ATRNL1: variants seen among roughly 807,000 people sequenced by gnomAD.
ATRNL1 encodes attractin-like protein 1.
A neutral mutation model predicts 182.7 loss-of-function variants in ATRNL1; 95 were observed. That is an observed-to-expected ratio of 0.52 (90% CI 0.44 to 0.62). The LOEUF (loss-of-function observed/expected upper bound fraction) is 0.62, where lower values mean the gene tolerates loss of function less well. Ranked by LOEUF, ATRNL1 falls within the 20% of genes least tolerant of loss-of-function variation. The pLI is 0.00. For synonymous variants in ATRNL1, 576 were observed against 568.3 expected (o/e 1.01, Z -0.19); for missense variants, 1,471 against 1,679.5 (o/e 0.88, Z 2.17).
chr10:115,343,903 T>G (rs1855860009), intron 19 of ATRNL1, among the ~76,000 whole-genome samples: 1 of 152,218 alleles, frequency 6.6e-6, no homozygotes, highest in Admixed American at 6.5e-5. Flanking sequence ...GCCTTGATGG[T>G]CTTGGACAAG....
At chr10:115,677,849 C>T (rs1441256574) in intron 26 of ATRNL1, among the ~76,000 whole-genome samples, 1 of 151,744 alleles carries the variant, frequency 6.6e-6, no homozygotes, top group Non-Finnish European at 1.5e-5. Flanking sequence ...CAGAGAGCTC[C>T]AAAGGGTATC....
rs544162271 is a variant in ATRNL1, at chr10:115,370,895, G to A, written c.3176-23764G>A. 3.9e-5 allele frequency among the ~76,000 whole-genome samples: 6 copies of A among 152,280 alleles called. No homozygotes were observed. In the South Asian group the frequency reaches 6.2e-4, roughly 16 times the overall value. Reference sequence around the variant, plus strand: ...AGGCTTTCCAACCACAGGCCAGGAGGCCTAGGAGGAAAACATTTTTTGTAG... The same window carrying A: ...AGGCTTTCCAACCACAGGCCAGGAGACCTAGGAGGAAAACATTTTTTGTAG... On this transcript the variant is annotated intron_variant, in intron 19 of 28. Coordinates refer to ENST00000355044, the MANE Select transcript of ATRNL1 (RefSeq NM_207303.4).
intron 26 of ATRNL1, among the ~76,000 whole-genome samples, chr10:115,725,673 C>G (rs1413916418): frequency 1.3e-5 from 2 of 151,794 alleles, no homozygotes; most frequent in Non-Finnish European, 2.9e-5. Context: ...TGTGTGTTGT[C>G]TGGGCATGTT....
intron 26 of ATRNL1, among the ~76,000 whole-genome samples, chr10:115,549,830 G>A (rs1036225671): frequency 1.3e-5 from 2 of 151,786 alleles, no homozygotes; most frequent in South Asian, 2.1e-4. Context: ...TATTTAACAG[G>A]CATTTAGTTA....
intron 27 of ATRNL1, among the ~76,000 whole-genome samples, chr10:115,835,503 G>C (rs1220773826): frequency 2.0e-5 from 3 of 152,194 alleles, no homozygotes; most frequent in African/African-American, 7.2e-5. Flanking sequence ...GTCCTGAAGA[G>C]CAAGCACTCA....
At chr10:115,197,533 T>C (rs1848406326) in intron 8 of ATRNL1, among the ~76,000 whole-genome samples, 1 of 152,160 alleles carries the variant, frequency 6.6e-6, no homozygotes, top group Non-Finnish European at 1.5e-5. Context: ...TTACTAGATA[T>C]AGAGATATCC....
intron 25 of ATRNL1, among the ~76,000 whole-genome samples, chr10:115,537,339 C>G (rs1041778617): frequency 6.6e-6 from 1 of 152,148 alleles, no homozygotes; most frequent in Non-Finnish European, 1.5e-5. Flanking sequence ...TCAAACTTAA[C>G]ATGCTTTAAA....
chr10:115,672,434 A>G (rs1477743500), intron 26 of ATRNL1, among the ~76,000 whole-genome samples: 1 of 152,170 alleles, frequency 6.6e-6, no homozygotes, highest in Non-Finnish European at 1.5e-5. Context: ...TTAATTCGAT[A>G]TTTATAGTCT....
At chr10:115,455,038 A>T (rs1847455866) in intron 21 of ATRNL1, among the ~76,000 whole-genome samples, 1 of 152,136 alleles carries the variant, frequency 6.6e-6, no homozygotes, top group African/African-American at 2.4e-5. Flanking sequence ...TGGGCTATTC[A>T]CATATGATCT....
chr10:115,493,346 C>T (rs1479652843), intron 24 of ATRNL1, among the ~76,000 whole-genome samples: 1 of 152,170 alleles, frequency 6.6e-6, no homozygotes, highest in African/African-American at 2.4e-5. Flanking sequence ...AGCACCTTCT[C>T]ATAAGTGAGA....
intron 8 of ATRNL1, among the ~76,000 whole-genome samples, chr10:115,172,072 A>C (rs1185547299): frequency 6.6e-6 from 1 of 152,074 alleles, no homozygotes; most frequent in East Asian, 1.9e-4. Context: ...AGTCTTAATG[A>C]GAAAACTCAT....
At chr10:115,667,640 C>T (rs1337229736) in intron 26 of ATRNL1, among the ~76,000 whole-genome samples, 1 of 149,340 alleles carries the variant, frequency 6.7e-6, no homozygotes, top group Non-Finnish European at 1.5e-5. Context: ...CACAACATTA[C>T]ATCTACTGCA....
chr10:115,582,475 T>A (rs1488365185), intron 26 of ATRNL1, among the ~76,000 whole-genome samples: 1 of 133,486 alleles, frequency 7.5e-6, no homozygotes, highest in Non-Finnish European at 1.6e-5. Context: ...TGGTTTTGAT[T>A]TGCATTTCTC....
chr10:115,560,073 A>T (rs1360250507), intron 26 of ATRNL1, among the ~76,000 whole-genome samples: 2 of 152,240 alleles, frequency 1.3e-5, no homozygotes, highest in African/African-American at 4.8e-5. Flanking sequence ...AATCAGTTGT[A>T]TTTCTATACA....
intron 1 of ATRNL1, among the ~76,000 whole-genome samples, chr10:115,113,005 G>T (rs1564744006): frequency 6.6e-6 from 1 of 152,140 alleles, no homozygotes; most frequent in Non-Finnish European, 1.5e-5. Flanking sequence ...AGTATTTCTT[G>T]GAAGAATTGT....
At chr10:115,194,368 G>A (rs1365736080) in intron 8 of ATRNL1, among the ~76,000 whole-genome samples, 3 of 151,942 alleles carry the variant, frequency 2.0e-5, no homozygotes, top group Non-Finnish European at 2.9e-5. Context: ...TATATTTTTG[G>A]TGCTCCAGTG....
At chr10:115,791,238 A>G (rs782383351) in intron 27 of ATRNL1, among the ~76,000 whole-genome samples, 45 of 152,108 alleles carry the variant, frequency 3.0e-4, no homozygotes, top group Non-Finnish European at 5.3e-4. Context: ...CCCCTTCCTC[A>G]TGCCAACATA....
chr10:115,654,090 A>G lies in ATRNL1; in HGVS notation c.3796-73158A>G, dbSNP rs569768107. Among the ~76,000 whole-genome samples, 5 of 152,308 alleles carry G rather than the reference A, an allele frequency of 3.3e-5. No homozygotes were observed. In the South Asian group the frequency reaches 1.0e-3, roughly 32 times the overall value. ...ACAATATAAGCAGTCTGAAATATAT[A>G]TTGAAATCTATGCAGTCTGAAATAT... On this transcript the variant is annotated intron_variant, in intron 26 of 28. Transcript: ENST00000355044.
intron 28 of ATRNL1, among the ~76,000 whole-genome samples, chr10:115,865,826 C>A (rs1951428776): frequency 6.6e-6 from 1 of 152,144 alleles, no homozygotes; most frequent in Non-Finnish European, 1.5e-5. Flanking sequence ...TGAAAAGGGG[C>A]AAATCTTATG....
Sources: allele counts gnomAD v4.1 joint callset (sites outside exome capture counted in the v4.1 genomes callset), GRCh38; gene constraint gnomAD v4.1.1; transcripts MANE v1.5; gene names NCBI Gene and HGNC (gene_info 2026-07-23, HGNC 2026-07-21).